EPDR1: variants seen among roughly 807,000 people sequenced by gnomAD.
EPDR1 encodes mammalian ependymin-related protein 1.
Under a neutral mutation model 23.7 loss-of-function variants are expected in EPDR1, and 27 were observed. The ratio of observed to expected loss-of-function variants is 1.14; its 90% CI spans 0.84 to 1.57. The LOEUF is 1.57. EPDR1 is among the 40% of genes most tolerant of loss of function. The pLI is 0.00. For synonymous variants in EPDR1, 137 were observed against 118.2 expected, an observed-to-expected ratio of 1.16 and a Z score of -1.03; for missense variants, 349 against 290.4, an observed-to-expected ratio of 1.20 and a Z score of -1.47.
rs1225551692 is a variant in EPDR1 at position 37,950,634 on chromosome 7, C to A, written c.*238C>A. On this transcript the variant is annotated 3_prime_UTR_variant, in exon 3 of 3. Transcript: ENST00000199448. ...ACTGACTAGATGGCTAATATGGACA[C>A]TTTGGGTATTTCTAATGCCTGTTCA... 3 of 493,036 alleles carry A rather than the reference C, an allele frequency of 6.1e-6. No homozygotes were observed. The highest frequency in any genetic ancestry group is 5.7e-5 in the African/African-American group (3 of 52,474). The allele number at this position is 493,036 out of a possible 1,614,324, so 30.5% of individuals were successfully genotyped here. A position where few individuals can be genotyped will look rare whatever the true frequency, so the allele number is the denominator to read the frequency against.
intron 1 of EPDR1, among the ~76,000 whole-genome samples, chr7:37,929,525 GAATAACTGAT>G: frequency 6.6e-6 from 1 of 152,214 alleles, no homozygotes; most frequent in East Asian, 1.9e-4. Context: ...TGAGGGAAAT[GAATAACTGAT>G]AATATACATT....
chr7:37,934,834 G>A (rs2722321), intron 1 of EPDR1, among the ~76,000 whole-genome samples: 51,523 of 151,886 alleles, frequency 0.34, 8,906 homozygotes, highest in South Asian at 0.46. Context: ...GGTCCCAGCT[G>A]CTTGGGAGGC....
At chr7:37,935,625 C>T (rs2132009390) in intron 1 of EPDR1, among the ~76,000 whole-genome samples, 1 of 152,158 alleles carries the variant, frequency 6.6e-6, no homozygotes, top group Middle Eastern at 3.4e-3. Flanking sequence ...GCTTTTTAAC[C>T]TTTTACGTTG....
chr7:37,937,932 T>C (rs944857010), intron 1 of EPDR1, among the ~76,000 whole-genome samples: 2 of 151,244 alleles, frequency 1.3e-5, no homozygotes, highest in Non-Finnish European at 2.9e-5. Flanking sequence ...AATTTAACCA[T>C]GTCAATGCAG....
At chr7:37,944,693 C>T (rs1435179760) in intron 1 of EPDR1, among the ~76,000 whole-genome samples, 1 of 152,162 alleles carries the variant, frequency 6.6e-6, no homozygotes, top group Non-Finnish European at 1.5e-5. Context: ...GAACCGTGCC[C>T]ATTATTCAAT....
intron 1 of EPDR1, among the ~76,000 whole-genome samples, chr7:37,946,374 C>G (rs1399223420): frequency 1.3e-5 from 2 of 152,084 alleles, no homozygotes; most frequent in African/African-American, 4.8e-5. Context: ...CCTTTTTCTC[C>G]ACAACCTCGC....
chr7:37,921,074 G>C lies in EPDR1; in HGVS notation c.135G>C (p.Pro45=). The change falls in exon 1 of 3, where the codon CCG becomes CCC. Residue 45 remains proline (P), a synonymous_variant. Transcript: ENST00000199448. The part of the protein sequence containing the change: ...AVGAPRPCQA[P]QQWEGRQVMY... ...GAGCCCCGCGCCCGTGCCAGGCGCC[G>C]CAGCAGTGGGAGGGGCGCCAGGTTA... The C allele has an allele frequency of 1.3e-6, 2 of 1,569,522 alleles. No individual in the cohort carries two copies. Among genetic ancestry groups the C allele is most frequent in the Non-Finnish European group, 1.7e-6 (2 of 1,164,176 alleles).
chr7:37,927,859 C>G (rs1309599579), intron 1 of EPDR1, among the ~76,000 whole-genome samples: 4 of 152,190 alleles, frequency 2.6e-5, no homozygotes, highest in African/African-American at 4.8e-5. Context: ...CTTTTGTGAG[C>G]TGAGGAAGTC....
intron 1 of EPDR1, among the ~76,000 whole-genome samples, chr7:37,939,040 G>A (rs1786115407): frequency 6.6e-6 from 1 of 150,476 alleles, no homozygotes; most frequent in Middle Eastern, 3.5e-3. Context: ...GTGCAGTGAC[G>A]GGATCTTAGC....
In EPDR1 at chr7:37,921,367, T is replaced by A. The variant is rs1228013104; in HGVS notation, c.269+159T>A. The A allele has an allele frequency of 2.1e-6, 3 of 1,413,540 alleles. No homozygotes were observed. In the East Asian group the frequency reaches 8.5e-5, roughly 40 times the overall value. 87.6% of individuals were successfully genotyped at this position (1,413,540 alleles called of 1,614,324 possible). On this transcript the variant is annotated intron_variant, in intron 1 of 2. Transcript: ENST00000199448. ...CGAGGAGGGTCTCTTGGGGATAGCA[T>A]GGTCCGGGACTGGGAGGGGCGCTGC...
chr7:37,924,338 C>T (rs930856385), intron 1 of EPDR1, among the ~76,000 whole-genome samples: 1 of 152,186 alleles, frequency 6.6e-6, no homozygotes, highest in Non-Finnish European at 1.5e-5. Flanking sequence ...GGTAATCAGG[C>T]AAAGGCAAAG....
At chr7:37,936,880 A>G (rs1786064348) in intron 1 of EPDR1, among the ~76,000 whole-genome samples, 1 of 152,178 alleles carries the variant, frequency 6.6e-6, no homozygotes, top group African/African-American at 2.4e-5. Flanking sequence ...AATAAATGCA[A>G]AAAAGCAGGA....
At chr7:37,947,006 TA>T (rs1786289809) in intron 1 of EPDR1, among the ~76,000 whole-genome samples, 1 of 152,198 alleles carries the variant, frequency 6.6e-6, no homozygotes, top group Non-Finnish European at 1.5e-5. Context: ...ATAGTTTTTA[TA>T]AATTTAGTGT....
At position 37,921,273 on chromosome 7, in the gene EPDR1, C is replaced by T. The variant is rs1189486536; in HGVS notation, c.269+65C>T. ...CGCGGGCATGGGGAGGGCGAGGTCGCAGAGGCCTGCGCCCTGTAACTCTTT... is the reference window on the plus strand; with the variant it reads ...CGCGGGCATGGGGAGGGCGAGGTCGTAGAGGCCTGCGCCCTGTAACTCTTT... On this transcript the variant is annotated intron_variant, in intron 1 of 2. Transcript: ENST00000199448. 14 of 1,515,522 alleles carry T rather than the reference C, an allele frequency of 9.2e-6. No homozygotes were observed. The Admixed American group carries it at 2.6e-4, about 28-fold the overall frequency. 93.9% of individuals were successfully genotyped at this position (1,515,522 alleles called of 1,614,324 possible).
chr7:37,948,796 G>C (rs2132021366), intron 1 of EPDR1, 44 bp from the exon 2 acceptor site: 1 of 1,518,196 alleles, frequency 6.6e-7, no homozygotes, highest in East Asian at 2.3e-5. Flanking sequence ...GCACGAGGAT[G>C]GTAACATGAA....
At chr7:37,938,500 C>T (rs1187203857) in intron 1 of EPDR1, among the ~76,000 whole-genome samples, 5 of 152,206 alleles carry the variant, frequency 3.3e-5, no homozygotes, top group Admixed American at 1.3e-4. Flanking sequence ...CTAACTTTCT[C>T]AAACACTCTC....
At chr7:37,921,236 A>G (rs1583659502) in intron 1 of EPDR1, 28 bp downstream of exon 1, 2 of 1,559,362 alleles carry the variant, frequency 1.3e-6, no homozygotes, top group Non-Finnish European at 1.7e-6. Context: ...GCGGGGCGGG[A>G]GTAGGGAGCC....
At chr7:37,936,044 A>ATATATATATATACACATATATATATAT (rs1554374649) in intron 1 of EPDR1, among the ~76,000 whole-genome samples, 1 of 127,624 alleles carries the variant, frequency 7.8e-6, no homozygotes, top group African/African-American at 2.9e-5. Flanking sequence ...ATATATACAC[A>ATATATATATATACACATATATATATAT]AGGGAAATGT....
At chr7:37,928,628 C>T (rs190750632) in intron 1 of EPDR1, among the ~76,000 whole-genome samples, 1 of 152,176 alleles carries the variant, frequency 6.6e-6, no homozygotes, top group South Asian at 2.1e-4. Flanking sequence ...ATTAATTCCC[C>T]AATCTTGATG....
Sources: allele counts gnomAD v4.1 joint callset (sites outside exome capture counted in the v4.1 genomes callset), GRCh38; gene constraint gnomAD v4.1.1; transcripts MANE v1.5; gene names NCBI Gene and HGNC (gene_info 2026-07-23, HGNC 2026-07-21).